ALDH1A2: variants seen among roughly 807,000 people sequenced by gnomAD.
The protein encoded by ALDH1A2 is retinal dehydrogenase 2.
ALDH1A2 carries 27 observed loss-of-function variants against 60.3 expected under a neutral mutation model. The observed-to-expected ratio is 0.45, with a 90% CI of 0.33 to 0.62. The LOEUF is 0.62. ALDH1A2 is among the 20% of genes least tolerant of loss of function. ALDH1A2 has a pLI of 0.02. For synonymous variants in ALDH1A2, 289 were observed against 232.4 expected, an observed-to-expected ratio of 1.24 and a Z score of -2.21; for missense variants, 581 against 643.8, an observed-to-expected ratio of 0.90 and a Z score of 1.06.
At chr15:58,041,415 C>T (rs1207449319) in intron 1 of ALDH1A2, among the ~76,000 whole-genome samples, 1 of 151,804 alleles carries the variant, frequency 6.6e-6, no homozygotes, top group East Asian at 1.9e-4. Context: ...GTCTCTCCCT[C>T]GCTTAGTTCA....
chr15:58,026,361 CA>C (rs1199119425), intron 1 of ALDH1A2, among the ~76,000 whole-genome samples: 1 of 152,118 alleles, frequency 6.6e-6, no homozygotes, highest in East Asian at 1.9e-4. Context: ...GCAGAAAAAG[CA>C]TTTGATAAAA....
chr15:57,986,412 A>C (rs1894700994), intron 7 of ALDH1A2, among the ~76,000 whole-genome samples: 1 of 152,242 alleles, frequency 6.6e-6, no homozygotes, highest in East Asian at 1.9e-4. Context: ...ACAAAGCTTA[A>C]AGGTAAGTTC....
rs969639865 is a variant in ALDH1A2 at position 58,065,708 on chromosome 15, G to A, written c.-58C>T. On this transcript the variant is annotated 5_prime_UTR_variant, in exon 1 of 13. Coordinates refer to ENST00000249750, the MANE Select transcript of ALDH1A2 (RefSeq NM_003888.4). Reference sequence around the variant, plus strand: ...TGGGGCAGTGCGGGCTGTGCGCGCGGTCCGCGGCCCGGGGGCGCGCTCGCC... The same window carrying A: ...TGGGGCAGTGCGGGCTGTGCGCGCGATCCGCGGCCCGGGGGCGCGCTCGCC... The A allele has an allele frequency of 1.8e-5, 22 of 1,253,388 alleles. No homozygotes were observed. The highest frequency in any genetic ancestry group is 2.1e-5 in the Non-Finnish European group (19 of 918,704). The allele number at this position is 1,253,388 out of a possible 1,614,324, so 77.6% of individuals were successfully genotyped here.
chr15:58,014,546 T>C, intron 1 of ALDH1A2: 1 of 515,196 alleles, frequency 1.9e-6, no homozygotes. Context: ...AAGGATAGAG[T>C]GTCTCACATA....
chr15:58,009,517 C>T (rs779111438), intron 4 of ALDH1A2, among the ~76,000 whole-genome samples: 13 of 151,520 alleles, frequency 8.6e-5, no homozygotes, highest in Non-Finnish European at 1.6e-4. Context: ...CTACTATGCA[C>T]TCTCCATGGA....
chr15:58,015,170 C>T (rs895815068), intron 1 of ALDH1A2, among the ~76,000 whole-genome samples: 5 of 152,178 alleles, frequency 3.3e-5, no homozygotes, highest in Non-Finnish European at 7.3e-5. Flanking sequence ...TACAGCACCA[C>T]AGTGAAATTT....
At chr15:58,055,961 C>T (rs975169395) in intron 1 of ALDH1A2, among the ~76,000 whole-genome samples, 5 of 152,044 alleles carry the variant, frequency 3.3e-5, no homozygotes, top group Non-Finnish European at 7.4e-5. Flanking sequence ...CCAAATCTAT[C>T]AGCAGCACAG....
In ALDH1A2 at chr15:58,065,636, C is replaced by T. The variant is rs1249825935; in HGVS notation, c.15G>A (p.Lys5=). MTSS[K]IEMPGEVKAD... is the part of the protein sequence containing the mutation. ...CCTTCACCTCGCCGGGCATCTCTAT[C>T]TTGCTGGAAGTCATGGTGGCGGGCC... Residue 5 remains lysine (K), a synonymous_variant, in exon 1 of 13, where the codon AAG becomes AAA. Transcript: ENST00000249750. The T allele has an allele frequency of 6.2e-7, 1 of 1,601,484 alleles. No individual in the cohort carries two copies. The highest frequency in any genetic ancestry group is 8.5e-7 in the Non-Finnish European group (1 of 1,173,244).
intron 1 of ALDH1A2, among the ~76,000 whole-genome samples, chr15:58,049,590 G>A (rs1353429938): frequency 6.6e-6 from 1 of 151,992 alleles, no homozygotes; most frequent in Non-Finnish European, 1.5e-5. Context: ...AGACCACTTT[G>A]CTAAACCAGC....
At chr15:58,006,460 G>C (rs1402054976) in intron 4 of ALDH1A2, among the ~76,000 whole-genome samples, 1 of 151,898 alleles carries the variant, frequency 6.6e-6, no homozygotes, top group African/African-American at 2.4e-5. Context: ...GTTTCAAATT[G>C]TACTGCTATA....
chr15:58,033,468 T>C (rs184326618), intron 1 of ALDH1A2, among the ~76,000 whole-genome samples: 95 of 152,030 alleles, frequency 6.2e-4, no homozygotes, highest in African/African-American at 2.1e-3. Context: ...TTCATGGTAT[T>C]TTATCATGCA....
At chr15:57,959,193 C>G (rs1292019177) in intron 12 of ALDH1A2, among the ~76,000 whole-genome samples, 1 of 152,132 alleles carries the variant, frequency 6.6e-6, no homozygotes, top group Admixed American at 6.5e-5. Context: ...TGATCTGTAA[C>G]AAAACAATCA....
chr15:58,021,506 C>G (rs1365503135), intron 1 of ALDH1A2, among the ~76,000 whole-genome samples: 5 of 152,142 alleles, frequency 3.3e-5, no homozygotes, highest in African/African-American at 1.2e-4. Context: ...GCAATTCTGG[C>G]CACTTGAAAA....
chr15:57,978,810 G>A (rs923298581), intron 7 of ALDH1A2, among the ~76,000 whole-genome samples: 3 of 152,184 alleles, frequency 2.0e-5, no homozygotes, highest in Admixed American at 6.5e-5. Context: ...GCCAAGGTGC[G>A]TGGATTACCT....
intron 1 of ALDH1A2, among the ~76,000 whole-genome samples, chr15:58,057,539 A>C (rs1896925848): frequency 6.6e-6 from 1 of 152,238 alleles, no homozygotes; most frequent in Admixed American, 6.5e-5. Flanking sequence ...GTACAGGTAC[A>C]CACATTTGTT....
At chr15:58,014,489 A>G (rs1456824563) in intron 1 of ALDH1A2, 6 of 612,198 alleles carry the variant, frequency 9.8e-6, no homozygotes, top group African/African-American at 9.1e-5. Flanking sequence ...AAGGCTAACT[A>G]CAGTTCTTAC....
At chr15:57,973,538 A>AAGTT (rs1420812479) in intron 7 of ALDH1A2, among the ~76,000 whole-genome samples, 1 of 152,230 alleles carries the variant, frequency 6.6e-6, no homozygotes, top group African/African-American at 2.4e-5. Flanking sequence ...GTAGCCTGCA[A>AAGTT]AGTTAGAATA....
chr15:58,026,768 A>G (rs1381242230), intron 1 of ALDH1A2, among the ~76,000 whole-genome samples: 1 of 152,164 alleles, frequency 6.6e-6, no homozygotes. Flanking sequence ...GCTCACTGCT[A>G]GTGCAGCAGT....
rs145636116 is a variant in ALDH1A2, at chr15:58,051,386, C to T, written c.117+14148G>A. On this transcript the variant is annotated intron_variant, in intron 1 of 12. Coordinates refer to ENST00000249750, the MANE Select transcript of ALDH1A2 (RefSeq NM_003888.4). ...TTATTTATTTATTTTTTTAGATAGG[C>T]AACTTCCCAGAAAAGAAAAAAAGAG... Among the ~76,000 whole-genome samples, 4 of 151,846 alleles carry T rather than the reference C, an allele frequency of 2.6e-5. No individual in the cohort carries two copies. In the East Asian group the frequency reaches 7.7e-4, roughly 29 times the overall value.
Sources: gnomAD v4.1 joint callset for allele counts (sites outside exome capture counted in the v4.1 genomes callset) on GRCh38, gnomAD v4.1.1 for gene constraint, MANE v1.5 for transcripts, NCBI Gene and HGNC (gene_info 2026-07-23, HGNC 2026-07-21) for gene names.